Variants in GRM7 observed in about 807,000 individuals in gnomAD.
GRM7 encodes glutamate metabotropic receptor 7.
GRM7 carries 35 observed loss-of-function variants against 84.5 expected under a neutral mutation model. The observed-to-expected ratio is 0.41, with a 90% CI of 0.32 to 0.55. The LOEUF (loss-of-function observed/expected upper bound fraction) is 0.55. Ranked by LOEUF, GRM7 falls within the 20% of genes least tolerant of loss-of-function variation. GRM7 has a pLI of 0.19. For missense variants in GRM7, 1,003 were observed against 1,194.6 expected (o/e 0.84, Z 2.36); for synonymous variants, 487 against 455.1 (o/e 1.07, Z -0.89).
At chr3:7,566,799 G>T (rs976074389) in intron 7 of GRM7, among the ~76,000 whole-genome samples, 1 of 151,976 alleles carries the variant, frequency 6.6e-6, no homozygotes, top group African/African-American at 2.4e-5. Flanking sequence ...GATTCTTCCA[G>T]GGGGAAAAAA....
At chr3:7,182,894 G>GGGT (rs1695386304) in intron 2 of GRM7, among the ~76,000 whole-genome samples, 2 of 97,160 alleles carry the variant, frequency 2.1e-5, no homozygotes, top group African/African-American at 3.6e-5. Context: ...TAACGTGAAA[G>GGGT]TGTTTTTTTT....
chr3:7,252,299 T>C (rs559917568), intron 2 of GRM7, among the ~76,000 whole-genome samples: 2 of 152,290 alleles, frequency 1.3e-5, no homozygotes, highest in South Asian at 4.1e-4. Flanking sequence ...AAGTTTTATT[T>C]TCCTGTCTGC....
intron 1 of GRM7, among the ~76,000 whole-genome samples, chr3:6,966,664 A>C (rs1468649986): frequency 6.6e-6 from 1 of 152,236 alleles, no homozygotes; most frequent in African/African-American, 2.4e-5. Flanking sequence ...TATCTATTAG[A>C]AAGTTCCAAA....
chr3:7,292,917 C>T (rs1559558424), intron 2 of GRM7, among the ~76,000 whole-genome samples: 1 of 151,032 alleles, frequency 6.6e-6, no homozygotes, highest in Non-Finnish European at 1.5e-5. Context: ...GCCTGTAATC[C>T]CAGTTGCTCG....
chr3:7,004,594 T>A (rs531672871), intron 1 of GRM7, among the ~76,000 whole-genome samples: 1 of 152,266 alleles, frequency 6.6e-6, no homozygotes, highest in Non-Finnish European at 1.5e-5. Context: ...TTGATAAACA[T>A]CTTTAACGAG....
intron 2 of GRM7, among the ~76,000 whole-genome samples, chr3:7,198,613 A>AAC (rs1695960841): frequency 6.6e-6 from 1 of 152,220 alleles, no homozygotes; most frequent in Non-Finnish European, 1.5e-5. Context: ...ACATGCTCAG[A>AAC]ACACTTACAT....
intron 2 of GRM7, among the ~76,000 whole-genome samples, chr3:7,157,720 T>C (rs1574972008): frequency 1.3e-5 from 2 of 152,140 alleles, no homozygotes; most frequent in Admixed American, 6.6e-5. Context: ...TTTCATTTTT[T>C]TTTTTTTTTA....
intron 2 of GRM7, among the ~76,000 whole-genome samples, chr3:7,168,484 G>A (rs1405352682): frequency 6.6e-6 from 1 of 152,080 alleles, no homozygotes; most frequent in East Asian, 1.9e-4. Context: ...ACCATGCAAG[G>A]TACACCAAGA....
In GRM7 at chr3:7,680,273, CTG is replaced by C. The variant is rs1319907500; in HGVS notation, c.2679_2680del (p.Cys893Ter). 6.2e-7 allele frequency: 1 copy of C among 1,614,042 alleles called. No individual in the cohort carries two copies. The highest frequency in any genetic ancestry group is 8.5e-7 in the Non-Finnish European group (1 of 1,179,994). ...CCAACGGTGAGGCAAAGACCGAGCT[CTG>C]TGAAAACGTAGACCCAAACAGTAAG... is the stretch of plus-strand genomic sequence containing the variant. ...RPNGEAKTEL[C>X]ENVDPNSPAA... On this transcript the variant is annotated frameshift_variant, in exon 9 of 10. Transcript: ENST00000357716. LOFTEE classifies it high-confidence loss of function.
At chr3:7,102,479 G>C (rs1699145203) in intron 1 of GRM7, among the ~76,000 whole-genome samples, 1 of 151,694 alleles carries the variant, frequency 6.6e-6, no homozygotes, top group Non-Finnish European at 1.5e-5. Flanking sequence ...GTTTTCGGGA[G>C]TTTGGCTATG....
At chr3:7,576,698 AAT>A (rs1694978996) in intron 7 of GRM7, among the ~76,000 whole-genome samples, 1 of 152,214 alleles carries the variant, frequency 6.6e-6, no homozygotes, top group African/African-American at 2.4e-5. Context: ...TTGTATTAAA[AAT>A]TCAATTAACT....
chr3:7,293,773 C>T (rs958335013), intron 2 of GRM7, among the ~76,000 whole-genome samples: 4 of 152,130 alleles, frequency 2.6e-5, no homozygotes, highest in African/African-American at 9.7e-5. Context: ...ATGGGACCAT[C>T]ATTATTGTCT....
intron 1 of GRM7, among the ~76,000 whole-genome samples, chr3:6,886,355 G>T (rs1362281370): frequency 6.6e-6 from 1 of 152,114 alleles, no homozygotes; most frequent in Non-Finnish European, 1.5e-5. Context: ...GGGAGTGAGG[G>T]GCTGGGGTAG....
intron 7 of GRM7, among the ~76,000 whole-genome samples, chr3:7,552,066 C>A (rs1425617148): frequency 6.6e-6 from 1 of 152,194 alleles, no homozygotes; most frequent in Admixed American, 6.5e-5. Context: ...GGAGAAACCA[C>A]TCCCATAATT....
intron 1 of GRM7, among the ~76,000 whole-genome samples, chr3:6,898,034 C>T (rs1256265811): frequency 6.6e-6 from 1 of 152,152 alleles, no homozygotes; most frequent in Non-Finnish European, 1.5e-5. Context: ...TCTCTCATCT[C>T]CCATGGGTGT....
chr3:6,864,923 C>T (rs1223817957), intron 1 of GRM7, among the ~76,000 whole-genome samples: 1 of 152,162 alleles, frequency 6.6e-6, no homozygotes, highest in African/African-American at 2.4e-5. Context: ...TGCTGGTGTA[C>T]CAGATTGAAG....
In GRM7 at chr3:6,863,826, T is replaced by G. The variant is rs1173743650; in HGVS notation, c.519+1919T>G. On this transcript the variant is annotated intron_variant, in intron 1 of 9. Transcript: ENST00000357716. This position sits in a 1 kb window ranked among gnomAD's most constrained non-coding sequence, Gnocchi z 4.8. Reference sequence around the variant, plus strand: ...TAGTATTTTAAAATTATTTTGCCTGTTTCTTCACTCACCCTGGGCAGTACT... The same window carrying G: ...TAGTATTTTAAAATTATTTTGCCTGGTTCTTCACTCACCCTGGGCAGTACT... Among the ~76,000 whole-genome samples, 1 of 152,180 alleles carries G rather than the reference T, an allele frequency of 6.6e-6. No homozygotes were observed. Among genetic ancestry groups the G allele is most frequent in the Non-Finnish European group, 1.5e-5 (1 of 68,022 alleles).
At chr3:7,325,574 C>T (rs905296276) in intron 4 of GRM7, among the ~76,000 whole-genome samples, 2 of 152,158 alleles carry the variant, frequency 1.3e-5, no homozygotes, top group Admixed American at 1.3e-4. Context: ...TAGCAGCCAA[C>T]ACACTCAGCA....
intron 5 of GRM7, among the ~76,000 whole-genome samples, chr3:7,428,590 A>G (rs1428653986): frequency 6.6e-6 from 1 of 152,124 alleles, no homozygotes; most frequent in East Asian, 1.9e-4. Context: ...CTTGTCACTC[A>G]TGGGAAGATG....
Sources: gnomAD v4.1 joint callset for allele counts (sites outside exome capture counted in the v4.1 genomes callset) on GRCh38, gnomAD v4.1.1 for gene constraint, Gnocchi (gnomAD v3.1) non-coding constraint, MANE v1.5 for transcripts, NCBI Gene and HGNC (gene_info 2026-07-23, HGNC 2026-07-21) for gene names.